HERC1: variants seen among roughly 807,000 people sequenced by gnomAD.
HERC1 encodes probable E3 ubiquitin-protein ligase HERC1.
Under a neutral mutation model 554.3 loss-of-function variants are expected in HERC1, and 160 were observed. The ratio of observed to expected loss-of-function variants is 0.29; its 90% CI spans 0.25 to 0.33. HERC1 has a LOEUF of 0.33. Ranked by LOEUF, HERC1 falls within the 10% of genes least tolerant of loss-of-function variation. The pLI, the probability that HERC1 is intolerant of heterozygous loss-of-function variation, is 1.00. For synonymous variants in HERC1, 2,175 were observed against 2,131.7 expected (o/e 1.02, Z -0.56); for missense variants, 4,919 against 5,918.5 (o/e 0.83, Z 5.54).
At chr15:63,643,374 TTAACA>T (rs1433280541) in intron 58 of HERC1, 25 bp downstream of exon 58, 1 of 1,584,700 alleles carries the variant, frequency 6.3e-7, no homozygotes, top group Middle Eastern at 1.7e-4. Flanking sequence ...AAAATATTCC[TTAACA>T]TAAAAATAAA....
At chr15:63,826,819 A>ATATATC (rs1200732057) in intron 1 of HERC1, among the ~76,000 whole-genome samples, 2 of 69,712 alleles carry the variant, frequency 2.9e-5, no homozygotes, top group East Asian at 2.4e-4. Context: ...AAAAAAATAT[A>ATATATC]TATATATATA....
rs746209028 is a variant in HERC1 at position 63,764,207 on chromosome 15, T to A, written c.931-16A>T. 1.9e-6 allele frequency: 3 copies of A among 1,558,796 alleles called. No homozygotes were observed. Among genetic ancestry groups the A allele is most frequent in the African/African-American group, 2.7e-5 (2 of 73,858 alleles). On this transcript the variant is annotated splice_polypyrimidine_tract_variant and intron_variant, in intron 2 of 77. Transcript: ENST00000443617. ...CAGATGAACCCTATAATTAAAACAT[T>A]GCGGGACACAGCGTAGGAAGGGGAG...
intron 13 of HERC1, among the ~76,000 whole-genome samples, chr15:63,733,975 A>G (rs1204715488): frequency 1.3e-5 from 2 of 152,220 alleles, no homozygotes; most frequent in Middle Eastern, 3.4e-3. Flanking sequence ...ACAGCCTGGG[A>G]AATACAGCAA....
intron 19 of HERC1, among the ~76,000 whole-genome samples, chr15:63,720,454 C>CA (rs1389651963): frequency 6.6e-6 from 1 of 152,036 alleles, no homozygotes; most frequent in Non-Finnish European, 1.5e-5. Context: ...ACAAAACCAA[C>CA]AAAAAACACG....
chr15:63,620,822 CT>C (rs993770788), intron 74 of HERC1, among the ~76,000 whole-genome samples: 7 of 152,038 alleles, frequency 4.6e-5, no homozygotes, highest in Admixed American at 6.6e-5. Flanking sequence ...CAACCCCTGC[CT>C]TTTTTTGTTT....
chr15:63,827,345 C>T (rs982952595), intron 1 of HERC1, among the ~76,000 whole-genome samples: 9 of 151,568 alleles, frequency 5.9e-5, no homozygotes, highest in African/African-American at 1.9e-4. Flanking sequence ...TCGCTTAAGC[C>T]CAGGGGATTA....
At chr15:63,616,355 T>C (rs2067818296) in intron 75 of HERC1, 75 bp downstream of exon 75, 13 of 1,473,600 alleles carry the variant, frequency 8.8e-6, no homozygotes, top group Non-Finnish European at 1.2e-5. Flanking sequence ...TGTATCTCAA[T>C]TTTACACAGA....
chr15:63,717,858 C>T (rs1408028252), intron 21 of HERC1, among the ~76,000 whole-genome samples: 5 of 152,116 alleles, frequency 3.3e-5, no homozygotes, highest in East Asian at 3.9e-4. Context: ...AGCGACAGAG[C>T]GAGACTGTCT....
intron 4 of HERC1, among the ~76,000 whole-genome samples, chr15:63,757,795 C>T (rs758760739): frequency 4.6e-5 from 7 of 152,124 alleles, no homozygotes; most frequent in Non-Finnish European, 8.8e-5. Context: ...CTGCAACCTC[C>T]GCCTCCCAGG....
At chr15:63,707,928 CAAAAAAAAAAAAAAAAA>C (rs71131176) in intron 24 of HERC1, among the ~76,000 whole-genome samples, 1 of 55,160 alleles carries the variant, frequency 1.8e-5, no homozygotes, top group Non-Finnish European at 3.4e-5. Context: ...GACTCCCTCT[CAAAAAAAAAAAAAAAAA>C]AAAAAAAAGA....
At position 63,729,557 on chromosome 15, in the gene HERC1, T is replaced by A; in HGVS notation, c.2961A>T (p.Glu987Asp). 1 of 1,613,886 alleles carries A rather than the reference T, an allele frequency of 6.2e-7. No homozygotes were observed. The highest frequency in any genetic ancestry group is 1.1e-5 in the South Asian group (1 of 91,082). Residue 987 changes from glutamate (E) to aspartate (D), a missense_variant, in exon 15 of 78, where the codon GAA becomes GAT. Around this residue, in one of 11 missense-constraint regions of HERC1, gnomAD observed 744 missense variants for 1,090.0 expected, o/e 0.68. Coordinates refer to ENST00000443617, the MANE Select transcript of HERC1 (RefSeq NM_003922.4). ...SENSQPAHLH[E>D]LLCSLQKQLL... The stretch of plus-strand genomic sequence containing the variant: ...GCTGTTTCTGTAGTGAACATAGCAG[T>A]TCATGAAGATGAGCAGGCTGACTGT...
rs529873624 is a variant in HERC1 at position 63,635,290 on chromosome 15, C to G, written c.12415-402G>C. On this transcript the variant is annotated intron_variant, in intron 65 of 77. Transcript: ENST00000443617. ...TCTCAAACTCCTGGCCTCAAGCAAT[C>G]CTCTTGCCTTGGCCTCCCAAAGTGT... Among the ~76,000 whole-genome samples, 232 of 152,302 alleles carry G rather than the reference C, an allele frequency of 1.5e-3. 1 individual carries two copies. The highest frequency in any genetic ancestry group is 2.6e-3 in the Non-Finnish European group (174 of 68,032).
At chr15:63,699,143 G>C (rs1182054730) in intron 25 of HERC1, 147 bp from the exon 26 acceptor site, 1 of 659,800 alleles carries the variant, frequency 1.5e-6, no homozygotes, top group Non-Finnish European at 2.5e-6. Flanking sequence ...AAGTGAATCT[G>C]AGCAAAATGC....
chr15:63,676,613 G>A (rs944931205), intron 37 of HERC1, among the ~76,000 whole-genome samples: 9 of 151,914 alleles, frequency 5.9e-5, no homozygotes, highest in Admixed American at 1.3e-4. Flanking sequence ...AAAATTAGCC[G>A]GGCATGATGG....
intron 68 of HERC1, 24 bp downstream of exon 68, chr15:63,632,685 C>T (rs962566726): frequency 5.6e-6 from 8 of 1,437,188 alleles, no homozygotes; most frequent in East Asian, 2.5e-5. Context: ...TGTACCCAAG[C>T]AAATAAGCTG....
chr15:63,710,191 G>A (rs974997189), intron 24 of HERC1, among the ~76,000 whole-genome samples: 1 of 152,178 alleles, frequency 6.6e-6, no homozygotes, highest in African/African-American at 2.4e-5. Flanking sequence ...TTGGACTTGC[G>A]TGGACTAGCC....
At chr15:63,735,541 TAAA>T (rs34912552) in intron 12 of HERC1, among the ~76,000 whole-genome samples, 3 of 125,308 alleles carry the variant, frequency 2.4e-5, no homozygotes, top group African/African-American at 5.8e-5. Context: ...ATTTAAAGTA[TAAA>T]AAAAAAAAAA....
chr15:63,622,691 A>G (rs1439226886), intron 74 of HERC1, 124 bp downstream of exon 74: 1 of 617,270 alleles, frequency 1.6e-6, no homozygotes, highest in Admixed American at 3.6e-5. Flanking sequence ...GGTTACAATG[A>G]GGACTGAAGG....
At chr15:63,683,420 G>C (rs564169448) in intron 34 of HERC1, among the ~76,000 whole-genome samples, 12 of 152,308 alleles carry the variant, frequency 7.9e-5, no homozygotes, top group Non-Finnish European at 1.6e-4. Flanking sequence ...GCAAGCTCTA[G>C]ATGGAGATAT....
Sources: gnomAD v4.1 joint callset for allele counts (sites outside exome capture counted in the v4.1 genomes callset) on GRCh38, gnomAD v4.1.1 for gene constraint, gnomAD v4.1.1 regional missense constraint, MANE v1.5 for transcripts, NCBI Gene and HGNC (gene_info 2026-07-23, HGNC 2026-07-21) for gene names.